The following ANKDD1A variants were observed in gnomAD, a reference collection of about 807,000 sequenced individuals.
The protein encoded by ANKDD1A is ankyrin repeat and death domain containing 1A.
Under a neutral mutation model 63.5 loss-of-function variants are expected in ANKDD1A, and 59 were observed. That is an observed-to-expected ratio of 0.93 (90% CI 0.75 to 1.15). The LOEUF (loss-of-function observed/expected upper bound fraction) is 1.15, where lower values mean the gene tolerates loss of function less well. ANKDD1A is among the 50% of genes most tolerant of loss of function. ANKDD1A has a pLI of 0.00. For missense variants in ANKDD1A, 632 were observed against 656.4 expected, an observed-to-expected ratio of 0.96 and a Z score of 0.41; for synonymous variants, 266 against 263.9, an observed-to-expected ratio of 1.01 and a Z score of -0.08.
At chr15:64,935,532 G>A (rs1199923855) in intron 9 of ANKDD1A, among the ~76,000 whole-genome samples, 3 of 151,964 alleles carry the variant, frequency 2.0e-5, no homozygotes, top group Non-Finnish European at 2.9e-5. Flanking sequence ...AAAATTAGCC[G>A]GGCTTTGTGT....
chr15:64,913,328 C>G (rs1041922609), intron 1 of ANKDD1A, among the ~76,000 whole-genome samples: 2 of 152,188 alleles, frequency 1.3e-5, no homozygotes, highest in African/African-American at 2.4e-5. Context: ...ACCCAGGCCT[C>G]TGTAAGCTCA....
At chr15:64,951,847 CTTCT>C (rs1391739101) in intron 14 of ANKDD1A, among the ~76,000 whole-genome samples, 6 of 113,860 alleles carry the variant, frequency 5.3e-5, no homozygotes, top group African/African-American at 9.2e-5. Flanking sequence ...ATTCTTTCTT[CTTCT>C]TTCTTCTTCC....
chr15:64,942,322 C>T (rs1424494203), intron 9 of ANKDD1A, 145 bp from the exon 10 acceptor site: 3 of 537,894 alleles, frequency 5.6e-6, no homozygotes, highest in Non-Finnish European at 9.5e-6. Flanking sequence ...CCATAATTGC[C>T]TAAGGCCACC....
chr15:64,955,916 T>C (rs1051362233), intron 14 of ANKDD1A, among the ~76,000 whole-genome samples: 1 of 152,140 alleles, frequency 6.6e-6, no homozygotes, highest in Non-Finnish European at 1.5e-5. Context: ...TACAAAATGA[T>C]AGACATACAA....
intron 14 of ANKDD1A, among the ~76,000 whole-genome samples, chr15:64,952,885 CCTT>C (rs1482070732): frequency 1.6e-4 from 20 of 127,644 alleles, no homozygotes; most frequent in Middle Eastern, 0.013. Flanking sequence ...TTCTTCTTCT[CCTT>C]CTTCCTTCTC....
At chr15:64,955,904 C>A (rs1318523648) in intron 14 of ANKDD1A, among the ~76,000 whole-genome samples, 1 of 152,128 alleles carries the variant, frequency 6.6e-6, no homozygotes, top group Non-Finnish European at 1.5e-5. Context: ...AACCTGTATG[C>A]ATACAAAATG....
chr15:64,948,908 A>C (rs2085246224), intron 13 of ANKDD1A, among the ~76,000 whole-genome samples: 1 of 152,230 alleles, frequency 6.6e-6, no homozygotes. Flanking sequence ...CAGAGTTCAA[A>C]AGTAAACGCT....
intron 14 of ANKDD1A, among the ~76,000 whole-genome samples, chr15:64,954,777 TCC>T (rs2085398054): frequency 5.2e-5 from 7 of 133,572 alleles, no homozygotes; most frequent in African/African-American, 2.7e-4. Flanking sequence ...TTTCTTCTTC[TCC>T]TTCTTCCTTC....
intron 6 of ANKDD1A, among the ~76,000 whole-genome samples, chr15:64,930,411 C>G (rs777154559): frequency 6.6e-6 from 1 of 152,066 alleles, no homozygotes; most frequent in Admixed American, 6.5e-5. Context: ...CAGTGTGGCC[C>G]GGGCAGGCCA....
chr15:64,914,923 A>G (rs1450014809), intron 1 of ANKDD1A, among the ~76,000 whole-genome samples: 1 of 152,134 alleles, frequency 6.6e-6, no homozygotes, highest in Non-Finnish European at 1.5e-5. Context: ...TGGGGGTGAG[A>G]GGAGCACAGA....
intron 9 of ANKDD1A, among the ~76,000 whole-genome samples, chr15:64,938,326 A>G (rs1045941875): frequency 6.6e-6 from 1 of 152,190 alleles, no homozygotes; most frequent in Admixed American, 6.5e-5. Context: ...TCTGACAAAC[A>G]CTACCTCAGC....
intron 3 of ANKDD1A, among the ~76,000 whole-genome samples, chr15:64,921,649 A>G (rs1363040714): frequency 6.6e-6 from 1 of 152,174 alleles, no homozygotes; most frequent in Non-Finnish European, 1.5e-5. Context: ...TGCTGGGATT[A>G]CAGGCGTGAG....
At chr15:64,916,781 T>G (rs1467638245) in intron 2 of ANKDD1A, among the ~76,000 whole-genome samples, 1 of 152,084 alleles carries the variant, frequency 6.6e-6, no homozygotes, top group Non-Finnish European at 1.5e-5. Flanking sequence ...TTCCTTTCAT[T>G]GTCCCCTCAT....
rs572501539 is a variant in ANKDD1A, at chr15:64,920,238, C to T, written c.268-1683C>T. The stretch of plus-strand genomic sequence containing the variant: ...GCTCTTCACAGAGAAGAAAAGACTC[C>T]GGGGAGGTGGGGGAAGTGCAGAACC... On this transcript the variant is annotated intron_variant, in intron 3 of 14. Coordinates refer to ENST00000319580, the MANE Select transcript of ANKDD1A (RefSeq NM_182703.6). Among the ~76,000 whole-genome samples, 7 of 152,010 alleles carry T rather than the reference C, an allele frequency of 4.6e-5. No individual in the cohort carries two copies. In the South Asian group the frequency reaches 6.2e-4, roughly 14 times the overall value.
At position 64,917,945 on chromosome 15, in the gene ANKDD1A, G is replaced by A. The variant is rs184766857; in HGVS notation, c.267+431G>A. 2.1e-3 allele frequency among the ~76,000 whole-genome samples: 319 copies of A among 152,338 alleles called. 1 individual carries two copies. The highest frequency in any genetic ancestry group is 7.4e-3 in the African/African-American group (307 of 41,586). ...TAGTTAACCAATTGGCAGGCAGCGT[G>A]TTGCTGAGAGAGAGCACTGATGAGT... On this transcript the variant is annotated intron_variant, in intron 3 of 14. Coordinates refer to ENST00000319580, the MANE Select transcript of ANKDD1A (RefSeq NM_182703.6).
At chr15:64,955,905 A>T (rs986575312) in intron 14 of ANKDD1A, among the ~76,000 whole-genome samples, 2 of 152,214 alleles carry the variant, frequency 1.3e-5, no homozygotes, top group Non-Finnish European at 2.9e-5. Context: ...ACCTGTATGC[A>T]TACAAAATGA....
At chr15:64,926,865 G>A in intron 5 of ANKDD1A, 36 bp from the exon 6 acceptor site, 1 of 1,611,356 alleles carries the variant, frequency 6.2e-7, no homozygotes, top group Non-Finnish European at 8.5e-7. Context: ...CACTGACAGA[G>A]TGAGGAAGGC....
rs1055805595 is a variant in ANKDD1A at position 64,950,236 on chromosome 15, T to C, written c.1483+264T>C. ...GCCCCGGAGCCAGTGATGCTGTCCA[T>C]AATCTCTTCCTTACCAGCCCTCTAT... On this transcript the variant is annotated intron_variant, in intron 14 of 14. Coordinates refer to ENST00000319580, the MANE Select transcript of ANKDD1A (RefSeq NM_182703.6). 4 of 985,312 alleles carry C rather than the reference T, an allele frequency of 4.1e-6. No homozygotes were observed. In the African/African-American group the frequency reaches 7.0e-5, roughly 17 times the overall value. 61.0% of individuals were successfully genotyped at this position (985,312 alleles called of 1,614,324 possible). A position where few individuals can be genotyped will look rare whatever the true frequency, so the allele number is the denominator to read the frequency against.
At chr15:64,943,734 A>C in intron 11 of ANKDD1A, 152 bp downstream of exon 11, 1 of 718,172 alleles carries the variant, frequency 1.4e-6, no homozygotes, top group East Asian at 2.7e-5. Flanking sequence ...TCCTCCAGGA[A>C]GCCTTCCTGA....
Sources: gnomAD v4.1 joint callset for allele counts (sites outside exome capture counted in the v4.1 genomes callset) on GRCh38, gnomAD v4.1.1 for gene constraint, MANE v1.5 for transcripts, NCBI Gene and HGNC (gene_info 2026-07-23, HGNC 2026-07-21) for gene names.